Variants in ZNF423 observed in about 807,000 individuals in gnomAD.
ZNF423 encodes the protein Ebf-associated zinc finger protein.
ZNF423 carries 12 observed loss-of-function variants against 95.8 expected under a neutral mutation model. That is an observed-to-expected ratio of 0.13 (90% CI 0.08 to 0.20). The LOEUF (loss-of-function observed/expected upper bound fraction) is 0.20, where lower values mean the gene tolerates loss of function less well. Among genes scored for constraint, ZNF423 ranks in the 10% least tolerant of loss-of-function variants. ZNF423 has a pLI of 1.00. For synonymous variants in ZNF423, 749 were observed against 711.9 expected (o/e 1.05, Z -0.83); for missense variants, 1,316 against 1,737.1 (o/e 0.76, Z 4.31).
chr16:49,837,196 C>A (rs183689542), intron 1 of ZNF423, among the ~76,000 whole-genome samples: 95 of 152,244 alleles, frequency 6.2e-4, no homozygotes, highest in African/African-American at 2.1e-3. Context: ...GAGCTGAGGC[C>A]TGGGGGTCAG....
intron 6 of ZNF423, among the ~76,000 whole-genome samples, chr16:49,524,485 C>T (rs1436804484): frequency 6.6e-6 from 1 of 152,126 alleles, no homozygotes; most frequent in African/African-American, 2.4e-5. Context: ...AAGATGGCAT[C>T]AGGGTGCTCA....
At chr16:49,815,357 G>A (rs2034820635) in intron 1 of ZNF423, among the ~76,000 whole-genome samples, 1 of 152,160 alleles carries the variant, frequency 6.6e-6, no homozygotes, top group Non-Finnish European at 1.5e-5. Flanking sequence ...TTATCTGGGA[G>A]TTCCCTAACT....
intron 1 of ZNF423, among the ~76,000 whole-genome samples, chr16:49,820,089 G>C (rs959328639): frequency 6.6e-6 from 1 of 152,112 alleles, no homozygotes; most frequent in Non-Finnish European, 1.5e-5. Context: ...TGGATGGGTG[G>C]ATGGATGAAT....
chr16:49,570,480 A>G (rs1970321163), intron 5 of ZNF423, among the ~76,000 whole-genome samples: 1 of 152,184 alleles, frequency 6.6e-6, no homozygotes. Context: ...GGGGGTATTT[A>G]TTTAATTCTT....
intron 7 of ZNF423, among the ~76,000 whole-genome samples, chr16:49,520,406 A>T (rs7192738): frequency 0.51 from 62,296 of 123,222 alleles, 13,265 homozygotes; most frequent in African/African-American, 0.64. Context: ...TGTTAACGCA[A>T]CCTAAGAAAA....
intron 2 of ZNF423, among the ~76,000 whole-genome samples, chr16:49,755,971 G>C (rs1480132046): frequency 6.6e-6 from 1 of 152,180 alleles, no homozygotes; most frequent in Non-Finnish European, 1.5e-5. Flanking sequence ...CTTCCTACTG[G>C]AAAGGAACTG....
intron 5 of ZNF423, among the ~76,000 whole-genome samples, chr16:49,616,969 AT>A (rs1971896964): frequency 6.6e-6 from 1 of 152,200 alleles, no homozygotes; most frequent in Non-Finnish European, 1.5e-5. Context: ...ATACATTTTA[AT>A]TTATTTAATC....
chr16:49,555,225 T>C (rs1969779941), intron 5 of ZNF423, among the ~76,000 whole-genome samples: 1 of 152,206 alleles, frequency 6.6e-6, no homozygotes, highest in South Asian at 2.1e-4. Context: ...AGTAGGTCCC[T>C]CCCACTCCAA....
intron 5 of ZNF423, among the ~76,000 whole-genome samples, chr16:49,595,072 C>G (rs898258668): frequency 2.0e-5 from 3 of 152,182 alleles, no homozygotes; most frequent in Non-Finnish European, 4.4e-5. Context: ...CCCTGAACAC[C>G]CGGGTGACCC....
chr16:49,832,826 G>A (rs2035075268), intron 1 of ZNF423, among the ~76,000 whole-genome samples: 2 of 152,220 alleles, frequency 1.3e-5, no homozygotes, highest in Non-Finnish European at 2.9e-5. Flanking sequence ...CCCAGCCCCA[G>A]GATGGTAGCC....
intron 5 of ZNF423, among the ~76,000 whole-genome samples, chr16:49,583,400 A>G (rs1043329079): frequency 6.6e-6 from 1 of 152,246 alleles, no homozygotes; most frequent in Non-Finnish European, 1.5e-5. Flanking sequence ...GTGGGGAAAA[A>G]AAGTCATGAT....
At chr16:49,734,704 G>A (rs1303781646) in intron 2 of ZNF423, among the ~76,000 whole-genome samples, 1 of 152,194 alleles carries the variant, frequency 6.6e-6, no homozygotes, top group African/African-American at 2.4e-5. Context: ...CCGAACCAGT[G>A]CTGTGAACGC....
At chr16:49,647,422 A>T (rs1356624781) in intron 3 of ZNF423, among the ~76,000 whole-genome samples, 1 of 152,234 alleles carries the variant, frequency 6.6e-6, no homozygotes, top group Admixed American at 6.5e-5. Flanking sequence ...CTTCCAAAAC[A>T]TATGAATATG....
intron 5 of ZNF423, among the ~76,000 whole-genome samples, chr16:49,568,728 C>G (rs1337903832): frequency 6.6e-6 from 1 of 152,138 alleles, no homozygotes; most frequent in Non-Finnish European, 1.5e-5. Flanking sequence ...CTCTCCCACA[C>G]CCATTCCTAT....
At chr16:49,793,111 C>CA (rs2034442112) in intron 1 of ZNF423, among the ~76,000 whole-genome samples, 3 of 151,920 alleles carry the variant, frequency 2.0e-5, no homozygotes, top group Admixed American at 2.0e-4. Context: ...CAACCCCCCA[C>CA]CACCCCCATA....
At chr16:49,744,108 T>G (rs1458776623) in intron 2 of ZNF423, among the ~76,000 whole-genome samples, 3 of 152,072 alleles carry the variant, frequency 2.0e-5, no homozygotes, top group African/African-American at 7.2e-5. Flanking sequence ...CCGCTTACCC[T>G]CATCCACTTG....
chr16:49,681,620 A>G (rs2031360267), intron 3 of ZNF423, among the ~76,000 whole-genome samples: 1 of 152,206 alleles, frequency 6.6e-6, no homozygotes, highest in South Asian at 2.1e-4. Context: ...CTTCAAAGGG[A>G]TGGCTCCCAG....
At chr16:49,640,253 G>A (rs527243436) in intron 3 of ZNF423, among the ~76,000 whole-genome samples, 86 of 152,194 alleles carry the variant, frequency 5.7e-4, no homozygotes, top group Middle Eastern at 6.8e-3. Flanking sequence ...CTCCCAGCAC[G>A]GGTGAACACT....
chr16:49,642,372 A>G (rs953732461), intron 3 of ZNF423, among the ~76,000 whole-genome samples: 1 of 152,168 alleles, frequency 6.6e-6, no homozygotes, highest in Non-Finnish European at 1.5e-5. Flanking sequence ...AGGCTTTGAA[A>G]AGGAGAATCT....
Sources: allele counts gnomAD v4.1 joint callset (sites outside exome capture counted in the v4.1 genomes callset), GRCh38; gene constraint gnomAD v4.1.1; transcripts MANE v1.5; gene names NCBI Gene and HGNC (gene_info 2026-07-23, HGNC 2026-07-21).